XYLT1: variants seen among roughly 807,000 people sequenced by gnomAD.
XYLT1 encodes the protein xylosyltransferase 1.
In XYLT1, 36 loss-of-function variants were observed where a neutral mutation model predicts 91.3. That is an observed-to-expected ratio of 0.39 (90% CI 0.30 to 0.52). The LOEUF (loss-of-function observed/expected upper bound fraction) is 0.52, where lower values mean the gene tolerates loss of function less well. Ranked by LOEUF, XYLT1 falls within the 20% of genes least tolerant of loss-of-function variation. XYLT1 has a pLI of 0.68. For synonymous variants in XYLT1, 588 were observed against 532.0 expected (o/e 1.11, Z -1.45); for missense variants, 1,242 against 1,284.5 (o/e 0.97, Z 0.51).
rs549917431 is a variant in XYLT1 at position 17,188,132 on chromosome 16, C to G, written c.1289+10080G>C. On this transcript the variant is annotated intron_variant, in intron 5 of 11. Transcript: ENST00000261381. ...TTATGGCTTCCTTCTAGGACACCTG[C>G]TTCTGCCTGGAGGTTTGGAGAATAG... Among the ~76,000 whole-genome samples, 308 of 152,166 alleles carry G rather than the reference C, an allele frequency of 2.0e-3. 1 individual carries two copies. Among genetic ancestry groups the G allele is most frequent in the African/African-American group, 7.2e-3 (299 of 41,538 alleles).
At chr16:17,228,431 G>GT (rs1467104199) in intron 3 of XYLT1, among the ~76,000 whole-genome samples, 1 of 152,128 alleles carries the variant, frequency 6.6e-6, no homozygotes, top group Admixed American at 6.6e-5. Flanking sequence ...GTTTAATAAG[G>GT]TGTCACCTAA....
intron 8 of XYLT1, among the ~76,000 whole-genome samples, chr16:17,135,311 T>C (rs1352860904): frequency 1.3e-5 from 2 of 152,122 alleles, no homozygotes; most frequent in African/African-American, 4.8e-5. Flanking sequence ...CTATTGCCTC[T>C]TTGGTATTTC....
intron 3 of XYLT1, among the ~76,000 whole-genome samples, chr16:17,238,458 T>C (rs2033283239): frequency 6.6e-6 from 1 of 152,196 alleles, no homozygotes; most frequent in African/African-American, 2.4e-5. Flanking sequence ...GCTCTGCCCT[T>C]GAGGTTGGAA....
At position 17,470,783 on chromosome 16, in the gene XYLT1, G is replaced by A. The variant is rs748552413; in HGVS notation, c.14C>T (p.Pro5Leu). The change falls in exon 1 of 12, where the codon CCG becomes CTG. Residue 5 changes from proline (P) to leucine (L), a missense_variant. Transcript: ENST00000261381. ...GCGCCGGGCCAGCCTCCGGGCGCAC[G>A]GCGCCGCCACCATCTTCGGAGCGCG... is the stretch of plus-strand genomic sequence containing the variant. MVAA[P>L]CARRLARRSH... 20 of 1,030,554 alleles carry A rather than the reference G, an allele frequency of 1.9e-5. 1 individual carries two copies. In the South Asian group the frequency reaches 6.4e-4, roughly 33 times the overall value. 63.8% of individuals were successfully genotyped at this position (1,030,554 alleles called of 1,614,324 possible). A position where few individuals can be genotyped will look rare whatever the true frequency, so the allele number is the denominator to read the frequency against.
intron 1 of XYLT1, among the ~76,000 whole-genome samples, chr16:17,453,134 A>G (rs2036689444): frequency 6.6e-6 from 1 of 152,196 alleles, no homozygotes; most frequent in Non-Finnish European, 1.5e-5. Flanking sequence ...CATAGAAAGG[A>G]TTTTAGCTGA....
chr16:17,230,064 T>C (rs1438349014), intron 3 of XYLT1, among the ~76,000 whole-genome samples: 2 of 152,188 alleles, frequency 1.3e-5, no homozygotes, highest in Admixed American at 6.5e-5. Context: ...GAGAGAGCCA[T>C]GGATGCTTCT....
chr16:17,265,437 A>G (rs974964211), intron 2 of XYLT1, among the ~76,000 whole-genome samples: 1 of 152,150 alleles, frequency 6.6e-6, no homozygotes, highest in Admixed American at 6.5e-5. Context: ...TCTCACCTTG[A>G]GTTATTTATG....
intron 2 of XYLT1, among the ~76,000 whole-genome samples, chr16:17,275,777 T>G (rs1026657805): frequency 6.6e-6 from 1 of 152,126 alleles, no homozygotes; most frequent in African/African-American, 2.4e-5. Context: ...ACGGGGCACT[T>G]AAGGAGACAA....
At chr16:17,444,413 G>A (rs2036568272) in intron 1 of XYLT1, among the ~76,000 whole-genome samples, 1 of 152,040 alleles carries the variant, frequency 6.6e-6, no homozygotes. Flanking sequence ...ACAGCTCACT[G>A]TAACCTCAAA....
At chr16:17,437,393 C>A (rs1014931109) in intron 1 of XYLT1, among the ~76,000 whole-genome samples, 2 of 152,120 alleles carry the variant, frequency 1.3e-5, no homozygotes, top group African/African-American at 2.4e-5. Flanking sequence ...CCTCCGCCTC[C>A]AATCGTATTT....
intron 1 of XYLT1, among the ~76,000 whole-genome samples, chr16:17,462,704 T>C (rs989812460): frequency 3.3e-5 from 5 of 152,094 alleles, no homozygotes; most frequent in African/African-American, 9.7e-5. Context: ...AGAAAGGCCA[T>C]TGTCCCCGGC....
At chr16:17,391,657 C>G (rs2035821189) in intron 1 of XYLT1, among the ~76,000 whole-genome samples, 1 of 152,142 alleles carries the variant, frequency 6.6e-6, no homozygotes, top group South Asian at 2.1e-4. Flanking sequence ...TCCCAGGGTC[C>G]TTTCTTCTTC....
rs545668400 is a variant in XYLT1 at position 17,174,516 on chromosome 16, C to T, written c.1290-15607G>A. Among the ~76,000 whole-genome samples the T allele has an allele frequency of 3.1e-3, 477 of 152,228 alleles. 5 individuals carry two copies. Among genetic ancestry groups the T allele is most frequent in the Admixed American group, 7.6e-3 (116 of 15,294 alleles). On this transcript the variant is annotated intron_variant, in intron 5 of 11. Transcript: ENST00000261381. Reference sequence around the variant, plus strand: ...ATAATGCTAAGTGAAAGAAGCCAGACGTGAAATACCCACATGATGTATGAT... The same window carrying T: ...ATAATGCTAAGTGAAAGAAGCCAGATGTGAAATACCCACATGATGTATGAT...
intron 1 of XYLT1, among the ~76,000 whole-genome samples, chr16:17,441,736 C>A (rs987574892): frequency 2.6e-5 from 4 of 152,174 alleles, no homozygotes; most frequent in African/African-American, 9.7e-5. Context: ...AGGAAATCCT[C>A]AGCAACACTA....
Position 17,240,635 on chromosome 16 carries a change from G to T in XYLT1, c.913+18353C>A, listed in dbSNP as rs1336466318. On this transcript the variant is annotated intron_variant, in intron 3 of 11. Transcript: ENST00000261381. ...GAGAATGAGAACTAACCTTTTTCAA[G>T]CTCTTCGGGACCAAGCCTGAACCAG... Among the ~76,000 whole-genome samples the T allele has an allele frequency of 2.0e-5, 3 of 152,174 alleles. No individual in the cohort carries two copies. In the East Asian group the frequency reaches 5.8e-4, roughly 29 times the overall value.
chr16:17,311,945 T>C (rs138001087), intron 2 of XYLT1, among the ~76,000 whole-genome samples: 1 of 152,272 alleles, frequency 6.6e-6, no homozygotes, highest in African/African-American at 2.4e-5. Context: ...ACTGCCCCGA[T>C]GATTCAGTTA....
chr16:17,300,787 C>T (rs1007786298), intron 2 of XYLT1, among the ~76,000 whole-genome samples: 2 of 151,826 alleles, frequency 1.3e-5, no homozygotes, highest in Non-Finnish European at 2.9e-5. Context: ...GAATGGGGGC[C>T]ATGATATATA....
intron 5 of XYLT1, among the ~76,000 whole-genome samples, chr16:17,187,088 C>T (rs2032200114): frequency 6.6e-6 from 1 of 151,990 alleles, no homozygotes; most frequent in African/African-American, 2.4e-5. Flanking sequence ...ATTTTGGATT[C>T]TTCTAAAATG....
chr16:17,230,957 A>C (rs1567333302), intron 3 of XYLT1, among the ~76,000 whole-genome samples: 1 of 152,220 alleles, frequency 6.6e-6, no homozygotes, highest in Non-Finnish European at 1.5e-5. Context: ...ACAATAAAGA[A>C]TGATCCAGCC....
Sources: allele counts gnomAD v4.1 joint callset (sites outside exome capture counted in the v4.1 genomes callset), GRCh38; gene constraint gnomAD v4.1.1; transcripts MANE v1.5; gene names NCBI Gene and HGNC (gene_info 2026-07-23, HGNC 2026-07-21).